The following KLHL4 variants were observed in gnomAD, a reference collection of about 807,000 sequenced individuals.
KLHL4 encodes kelch-like protein 4.
Under a neutral mutation model 45.8 loss-of-function variants are expected in KLHL4, and 17 were observed. The observed-to-expected ratio is 0.37, with a 90% CI of 0.25 to 0.56. The LOEUF is 0.56. Ranked by LOEUF, KLHL4 falls within the 20% of genes least tolerant of loss-of-function variation. The pLI is 0.79. For synonymous variants in KLHL4, 224 were observed against 189.9 expected (o/e 1.18, Z -1.47); for missense variants, 544 against 544.9 (o/e 1.00, Z 0.02).
chrX:87,603,198 G>A (rs183781024), intron 1 of KLHL4, among the ~76,000 whole-genome samples: 18 of 111,744 alleles, frequency 1.6e-4, no homozygotes, highest in Non-Finnish European at 1.3e-4. Context: ...ATTTGCATGC[G>A]TTTTAACTGA....
intron 1 of KLHL4, among the ~76,000 whole-genome samples, chrX:87,551,506 G>A (rs1033342833): frequency 2.7e-5 from 3 of 111,111 alleles, no homozygotes; most frequent in Admixed American, 9.6e-5. Context: ...CAATTCGAAA[G>A]TTCATAGGGA....
At position 87,668,996 on chromosome X, in the gene KLHL4, G is replaced by T. The variant is rs1264664184; in HGVS notation, c.*2462G>T. ...AGCCATCAGAATAGAGACCTGCAGAGGCCCAGGGCACTCAAACATAACTGT... is the reference window on the plus strand; with the variant it reads ...AGCCATCAGAATAGAGACCTGCAGATGCCCAGGGCACTCAAACATAACTGT... On this transcript the variant is annotated 3_prime_UTR_variant, in exon 11 of 11. Transcript: ENST00000373119. 2 of 799,208 alleles carry T rather than the reference G, an allele frequency of 2.5e-6. No individual in the cohort carries two copies. Among genetic ancestry groups the T allele is most frequent in the Non-Finnish European group, 3.0e-6 (2 of 669,630 alleles). 65.9% of individuals were successfully genotyped at this position (799,208 alleles called of 1,213,427 possible).
chrX:87,594,766 T>C (rs1921783976), intron 1 of KLHL4, among the ~76,000 whole-genome samples: 1 of 112,048 alleles, frequency 8.9e-6, no homozygotes, highest in African/African-American at 3.2e-5. Context: ...AAGATTTTTC[T>C]ATTATTTTGT....
chrX:87,616,511 C>T (rs1922561220), intron 3 of KLHL4, among the ~76,000 whole-genome samples: 2 of 111,600 alleles, frequency 1.8e-5, no homozygotes, highest in African/African-American at 3.2e-5. Flanking sequence ...TTCCAGTAAG[C>T]ATTCGTAGGA....
chrX:87,647,308 A>G (rs1923669549), intron 9 of KLHL4, among the ~76,000 whole-genome samples: 1 of 111,997 alleles, frequency 8.9e-6, no homozygotes, highest in Admixed American at 9.5e-5. Flanking sequence ...TAGTACAACC[A>G]CTATGGAAAA....
At chrX:87,530,347 A>G (rs1247516175) in intron 1 of KLHL4, among the ~76,000 whole-genome samples, 1 of 105,387 alleles carries the variant, frequency 9.5e-6, no homozygotes, top group Admixed American at 1.0e-4. Flanking sequence ...GTATACATGT[A>G]CCATGCTGGT....
At chrX:87,625,588 A>G in intron 5 of KLHL4, 22 bp from the exon 6 acceptor site, 1 of 1,153,832 alleles carries the variant, frequency 8.7e-7, no homozygotes, top group Non-Finnish European at 1.2e-6. Context: ...CCATTCATAT[A>G]CCATGCATCA....
intron 1 of KLHL4, among the ~76,000 whole-genome samples, chrX:87,546,333 G>C (rs1012190203): frequency 8.9e-6 from 1 of 111,861 alleles, no homozygotes; most frequent in East Asian, 2.8e-4. Context: ...GTACAGCTCA[G>C]GCCATTGTTT....
intron 1 of KLHL4, among the ~76,000 whole-genome samples, chrX:87,575,806 T>G (rs1238454759): frequency 9.0e-6 from 1 of 111,391 alleles, no homozygotes; most frequent in Non-Finnish European, 1.9e-5. Context: ...TGGGGAGAAC[T>G]ATATATTTAG....
At position 87,668,825 on chromosome X, in the gene KLHL4, T is replaced by C. The variant is rs1924468816; in HGVS notation, c.*2291T>C. ...ACCAACAAGAAGGCCATCCCAGATA[T>C]GGCCTCTCAACCTCAGACTTCTCAG... On this transcript the variant is annotated 3_prime_UTR_variant, in exon 11 of 11. Coordinates refer to ENST00000373119, the MANE Select transcript of KLHL4 (RefSeq NM_019117.5). The C allele has an allele frequency of 2.8e-6, 1 of 354,445 alleles. No homozygotes were observed. The highest frequency in any genetic ancestry group is 1.4e-4 in the South Asian group (1 of 7,195). 29.2% of individuals were successfully genotyped at this position (354,445 alleles called of 1,213,427 possible). A position where few individuals can be genotyped will look rare whatever the true frequency, so the allele number is the denominator to read the frequency against.
chrX:87,630,169 A>G (rs1923051947), intron 6 of KLHL4, among the ~76,000 whole-genome samples: 1 of 111,818 alleles, frequency 8.9e-6, no homozygotes, highest in African/African-American at 3.2e-5. Flanking sequence ...TATATATTTA[A>G]TATACACTCT....
intron 6 of KLHL4, among the ~76,000 whole-genome samples, chrX:87,630,843 G>A (rs974542785): frequency 4.5e-5 from 5 of 111,888 alleles, no homozygotes; most frequent in African/African-American, 1.6e-4. Flanking sequence ...CAGGTTCATT[G>A]TCTGGGGTAA....
intron 1 of KLHL4, among the ~76,000 whole-genome samples, chrX:87,589,100 C>T (rs1332005780): frequency 8.9e-6 from 1 of 111,835 alleles, no homozygotes; most frequent in Non-Finnish European, 1.9e-5. Flanking sequence ...ATCAAAACTA[C>T]AATGAGATAT....
At chrX:87,626,446 G>A (rs222074) in intron 6 of KLHL4, among the ~76,000 whole-genome samples, 41,323 of 109,822 alleles carry the variant, frequency 0.38, 6,025 homozygotes, top group Middle Eastern at 0.48. Context: ...AAACAATAAA[G>A]CAGAGGAAGC....
At chrX:87,610,779 A>T (rs1042036958) in intron 1 of KLHL4, among the ~76,000 whole-genome samples, 61 of 111,729 alleles carry the variant, frequency 5.5e-4, no homozygotes, top group African/African-American at 1.8e-3. Flanking sequence ...AGGTGATTAA[A>T]ACAAGCCTCT....
In KLHL4 at chrX:87,633,845, A is replaced by C; in HGVS notation, c.1646A>C (p.Gln549Pro). The C allele has an allele frequency of 8.3e-7, 1 of 1,209,779 alleles. No individual in the cohort carries two copies. The highest frequency in any genetic ancestry group is 1.1e-6 in the Non-Finnish European group (1 of 894,162). Residue 549 changes from glutamine to proline, a missense_variant, in exon 8 of 11, where the codon CAG (glutamine) becomes CCG (proline). Transcript: ENST00000373119. ...TVERWDPEGR[Q>P]WNYVASMSTP... ...GAAAGATGGGACCCTGAGGGACGAC[A>C]GTGGAATTACGTAGCCAGTATGTCA...
Position 87,666,507 on chromosome X carries a change from A to G in KLHL4, c.2130A>G (p.Ala710=). 1 of 1,195,181 alleles carries G rather than the reference A, an allele frequency of 8.4e-7. No homozygotes were observed. The highest frequency in any genetic ancestry group is 1.1e-6 in the Non-Finnish European group (1 of 883,379). ...CTGTTAACATTGGAAGAGCTGGTGC[A>G]TGTGTTGTAGTGGTGAAGCTACCCT... ...EVPVNIGRAG[A]CVVVVKLP Residue 710 remains alanine, a synonymous_variant, in exon 11 of 11, where the codon GCA becomes GCG. Coordinates refer to ENST00000373119, the MANE Select transcript of KLHL4 (RefSeq NM_019117.5).
chrX:87,536,866 C>A (rs1010935185), intron 1 of KLHL4, among the ~76,000 whole-genome samples: 3 of 111,268 alleles, frequency 2.7e-5, no homozygotes, highest in Non-Finnish European at 3.8e-5. Flanking sequence ...TAAGAAAGAA[C>A]TGTATAGGTG....
intron 1 of KLHL4, among the ~76,000 whole-genome samples, chrX:87,574,314 G>C (rs1037444153): frequency 8.1e-5 from 9 of 111,492 alleles, no homozygotes; most frequent in African/African-American, 2.9e-4. Flanking sequence ...TTGTTCATGA[G>C]TAATTCTAAT....
Sources: allele counts gnomAD v4.1 joint callset (sites outside exome capture counted in the v4.1 genomes callset), GRCh38; gene constraint gnomAD v4.1.1; transcripts MANE v1.5; gene names NCBI Gene and HGNC (gene_info 2026-07-23, HGNC 2026-07-21).